GPBP1: variants seen among roughly 807,000 people sequenced by gnomAD.
GPBP1 encodes GC-rich promoter binding protein 1, also known as vasculin.
Under a neutral mutation model 56.5 loss-of-function variants are expected in GPBP1, and 13 were observed. The ratio of observed to expected loss-of-function variants is 0.23; its 90% CI spans 0.15 to 0.37. The LOEUF is 0.37. Among genes scored for constraint, GPBP1 ranks in the 10% least tolerant of loss-of-function variants. The pLI is 1.00. For missense variants in GPBP1, 477 were observed against 572.3 expected (o/e 0.83, Z 1.70); for synonymous variants, 204 against 188.9 (o/e 1.08, Z -0.66).
At chr5:57,213,828 A>G (rs528177736) in intron 2 of GPBP1, among the ~76,000 whole-genome samples, 1 of 152,304 alleles carries the variant, frequency 6.6e-6, no homozygotes, top group East Asian at 1.9e-4. Flanking sequence ...AGGTTTGACA[A>G]ATGTGTACAG....
intron 2 of GPBP1, among the ~76,000 whole-genome samples, chr5:57,187,028 G>A (rs1176317495): frequency 5.4e-5 from 8 of 147,930 alleles, no homozygotes; most frequent in African/African-American, 1.9e-4. Context: ...GTGTGTGTGT[G>A]TGTGTGTGTG....
Position 57,246,399 on chromosome 5 carries a change from A to G in GPBP1, c.578A>G (p.Asn193Ser), listed in dbSNP as rs138092435. The change falls in exon 7 of 12, where the codon AAT becomes AGT. Residue 193 changes from asparagine (N) to serine (S), a missense_variant. Physicochemically the swap from Asn to Ser is conservative, Grantham distance 46. Around this residue, in one of 2 missense-constraint regions of GPBP1, gnomAD observed 414 missense variants for 458.2 expected, o/e 0.90. Coordinates refer to ENST00000506184, the MANE Select transcript of GPBP1 (RefSeq NM_022913.4). ...CTATCTGGATTCCCAGTAGTAGGAA[A>G]TCTTCCGTCACAGCCAGTTAAGAAT... Reference protein sequence around the residue: ...LQLSGFPVVGNLPSQPVKNGT... With the variant: ...LQLSGFPVVGSLPSQPVKNGT... 18,622 of 1,613,856 alleles carry G rather than the reference A, an allele frequency of 0.012. 173 individuals are homozygous for G. Among genetic ancestry groups the G allele is most frequent in the Middle Eastern group, 0.029 (173 of 6,060 alleles).
chr5:57,200,393 A>G (rs1223781602), intron 2 of GPBP1, among the ~76,000 whole-genome samples: 46 of 100,900 alleles, frequency 4.6e-4, no homozygotes, highest in Admixed American at 1.3e-3. Flanking sequence ...TTTGAGATGG[A>G]GTATCATACT....
At chr5:57,228,952 G>A (rs377305597) in intron 3 of GPBP1, among the ~76,000 whole-genome samples, 23 of 152,176 alleles carry the variant, frequency 1.5e-4, no homozygotes, top group African/African-American at 5.5e-4. Context: ...TGTCTGGGCT[G>A]AGTGCAGTGG....
chr5:57,223,658 T>G (rs1312517393), intron 3 of GPBP1, among the ~76,000 whole-genome samples: 1 of 151,976 alleles, frequency 6.6e-6, no homozygotes, highest in Non-Finnish European at 1.5e-5. Flanking sequence ...TAAGGCTGTT[T>G]GGTCAATGAA....
chr5:57,200,506 T>G (rs1754967982), intron 2 of GPBP1, among the ~76,000 whole-genome samples: 1 of 151,786 alleles, frequency 6.6e-6, no homozygotes. Flanking sequence ...TAGCTGGGAT[T>G]ACAGGCATGC....
chr5:57,205,437 A>G (rs561072508), intron 2 of GPBP1, among the ~76,000 whole-genome samples: 4 of 152,282 alleles, frequency 2.6e-5, no homozygotes, highest in Non-Finnish European at 4.4e-5. Context: ...ATACCTAGCA[A>G]TGGTATTTCT....
Position 57,220,891 on chromosome 5 carries a change from A to G in GPBP1, c.63+6698A>G, listed in dbSNP as rs1242721354. ...TTATTCTTTCTCAGAATCATCATTT[A>G]TGAATTCTATTTGTAATTAACCTCT... On this transcript the variant is annotated intron_variant, in intron 3 of 11. Coordinates refer to ENST00000506184, the MANE Select transcript of GPBP1 (RefSeq NM_022913.4). Among the ~76,000 whole-genome samples the G allele has an allele frequency of 2.1e-5, 3 of 145,916 alleles. No individual in the cohort carries two copies. In the East Asian group the frequency reaches 6.4e-4, roughly 31 times the overall value.
At chr5:57,204,791 A>G (rs147181949) in intron 2 of GPBP1, among the ~76,000 whole-genome samples, 1,569 of 152,280 alleles carry the variant, frequency 0.01, 28 homozygotes, top group Middle Eastern at 0.034. Flanking sequence ...TTGCCAGGCT[A>G]TTTCACTGCA....
chr5:57,232,969 A>G (rs1481588059), intron 5 of GPBP1, among the ~76,000 whole-genome samples: 1 of 152,198 alleles, frequency 6.6e-6, no homozygotes, highest in Non-Finnish European at 1.5e-5. Context: ...TTAGAGAGAG[A>G]GGAAAGGATT....
intron 7 of GPBP1, 95 bp downstream of exon 7, chr5:57,246,579 G>C: frequency 1.0e-6 from 1 of 977,138 alleles, no homozygotes; most frequent in Non-Finnish European, 1.5e-6. Context: ...TGTGTATGGA[G>C]GTACTTCGTG....
At position 57,249,591 on chromosome 5, in the gene GPBP1, A is replaced by G. The variant is rs1741263176; in HGVS notation, c.972+15A>G. The G allele has an allele frequency of 6.3e-7, 1 of 1,587,462 alleles. No homozygotes were observed. Among genetic ancestry groups the G allele is most frequent in the Non-Finnish European group, 8.6e-7 (1 of 1,166,174 alleles). On this transcript the variant is annotated intron_variant, in intron 9 of 11. Transcript: ENST00000506184. ...GCTCAGAGAAGGTAATTGAATTTAT[A>G]GCAATACTTGATTTGACATTGATAT...
chr5:57,243,965 A>T (rs1278759859), intron 6 of GPBP1, among the ~76,000 whole-genome samples: 1 of 152,182 alleles, frequency 6.6e-6, no homozygotes, highest in Admixed American at 6.5e-5. Flanking sequence ...CTGGGATTAC[A>T]GGCATGAGCC....
intron 2 of GPBP1, among the ~76,000 whole-genome samples, chr5:57,181,283 G>A (rs554247530): frequency 2.0e-5 from 3 of 152,128 alleles, no homozygotes; most frequent in South Asian, 2.1e-4. Flanking sequence ...GGCAGTGAGC[G>A]GTGATTGCAC....
At chr5:57,253,182 T>TA (rs200675248) in intron 10 of GPBP1, among the ~76,000 whole-genome samples, 1,739 of 152,322 alleles carry the variant, frequency 0.011, 27 homozygotes, top group African/African-American at 0.04. Flanking sequence ...GACATACCCT[T>TA]ACTGTATTCC....
chr5:57,180,445 A>G (rs1753991271), intron 2 of GPBP1, among the ~76,000 whole-genome samples: 1 of 152,044 alleles, frequency 6.6e-6, no homozygotes, highest in Non-Finnish European at 1.5e-5. Context: ...GTTTAACCAA[A>G]CCATCTTTTC....
At chr5:57,207,501 T>C (rs181657828) in intron 2 of GPBP1, among the ~76,000 whole-genome samples, 54 of 152,044 alleles carry the variant, frequency 3.6e-4, no homozygotes, top group Non-Finnish European at 7.4e-4. Context: ...TAGGGGTGAA[T>C]GTTTACAGCT....
At chr5:57,199,070 G>T (rs930669876) in intron 2 of GPBP1, among the ~76,000 whole-genome samples, 1 of 152,072 alleles carries the variant, frequency 6.6e-6, no homozygotes, top group African/African-American at 2.4e-5. Flanking sequence ...AAACAAAATC[G>T]AAGTACATTT....
chr5:57,179,620 A>C (rs1302509611), intron 2 of GPBP1, among the ~76,000 whole-genome samples: 1 of 152,012 alleles, frequency 6.6e-6, no homozygotes, highest in Non-Finnish European at 1.5e-5. Flanking sequence ...TTTTTGAGAC[A>C]GAGTTTCGCA....
Sources: allele counts gnomAD v4.1 joint callset (sites outside exome capture counted in the v4.1 genomes callset), GRCh38; gene constraint gnomAD v4.1.1; regional missense constraint gnomAD v4.1.1; transcripts MANE v1.5; gene names NCBI Gene and HGNC (gene_info 2026-07-23, HGNC 2026-07-21).